ABCB5: variants seen among roughly 807,000 people sequenced by gnomAD.
ABCB5 encodes the protein ATP binding cassette subfamily B member 5, also known as ATP-binding cassette sub-family B member 5.
A neutral mutation model predicts 144.2 loss-of-function variants in ABCB5; 155 were observed. The ratio of observed to expected loss-of-function variants is 1.08; its 90% CI spans 0.94 to 1.23. The LOEUF (loss-of-function observed/expected upper bound fraction) is 1.23, where lower values mean the gene tolerates loss of function less well. Among genes scored for constraint, ABCB5 ranks in the 50% most tolerant of loss-of-function variants. The pLI, the probability that ABCB5 is intolerant of heterozygous loss-of-function variation, is 0.00. For synonymous variants in ABCB5, 610 were observed against 528.6 expected, an observed-to-expected ratio of 1.15 and a Z score of -2.11; for missense variants, 1,830 against 1,520.8, an observed-to-expected ratio of 1.20 and a Z score of -3.38.
intron 14 of ABCB5, among the ~76,000 whole-genome samples, chr7:20,680,287 C>T (rs551497682): frequency 3.9e-5 from 6 of 151,972 alleles, no homozygotes; most frequent in African/African-American, 1.4e-4. Context: ...AGGCCGAGCG[C>T]GGTGGTCACG....
chr7:20,639,404 T>C (rs1047191158), intron 5 of ABCB5, among the ~76,000 whole-genome samples: 2 of 152,162 alleles, frequency 1.3e-5, no homozygotes, highest in African/African-American at 4.8e-5. Context: ...CTTTTGGGTG[T>C]GGGAATTTTT....
At chr7:20,678,876 A>G (rs1218924280) in intron 14 of ABCB5, among the ~76,000 whole-genome samples, 1 of 152,186 alleles carries the variant, frequency 6.6e-6, no homozygotes, top group Admixed American at 6.5e-5. Context: ...TATAGTAGGG[A>G]AATGATGGTC....
Position 20,745,385 on chromosome 7 carries a change from A to C in ABCB5, c.3376A>C (p.Lys1126Gln). Residue 1126 changes from lysine to glutamine, a missense_variant, in exon 26 of 28, where the codon AAA becomes CAA. By Grantham distance (53) the Lys-to-Gln change is moderately conservative. Transcript: ENST00000404938. ...CCGTGTGGTGCCATTAGATGAGATCAAAGAAGCCGCAAATGCAGCAAATAT... is the reference window on the plus strand; with the variant it reads ...CCGTGTGGTGCCATTAGATGAGATCCAAGAAGCCGCAAATGCAGCAAATAT... The part of the protein sequence containing the change: ...NSRVVPLDEI[K>Q]EAANAANIHS... The C allele has an allele frequency of 6.2e-7, 1 of 1,614,236 alleles. No homozygotes were observed. The highest frequency in any genetic ancestry group is 1.1e-5 in the South Asian group (1 of 91,090).
At chr7:20,753,548 T>A (rs1782996874) in intron 27 of ABCB5, 42 bp downstream of exon 27, 1 of 1,576,414 alleles carries the variant, frequency 6.3e-7, no homozygotes, top group Non-Finnish European at 8.6e-7. Context: ...ATACCAAATA[T>A]AAGCATCCAA....
chr7:20,648,164 A>C, intron 11 of ABCB5, 86 bp downstream of exon 11: 1 of 849,710 alleles, frequency 1.2e-6, no homozygotes, highest in Non-Finnish European at 1.8e-6. Context: ...ATTACTTAGG[A>C]TCACTTTTTT....
intron 23 of ABCB5, among the ~76,000 whole-genome samples, chr7:20,736,411 T>C (rs59090642): frequency 0.012 from 1,870 of 152,164 alleles, 28 homozygotes; most frequent in African/African-American, 0.042. Context: ...AGAGATGGAG[T>C]TTCACCATGT....
intron 16 of ABCB5, among the ~76,000 whole-genome samples, chr7:20,691,919 GA>G (rs919935349): frequency 2.6e-5 from 4 of 151,318 alleles, no homozygotes; most frequent in East Asian, 1.9e-4. Context: ...CAAAAAAGGA[GA>G]AAAAAAATGT....
intron 16 of ABCB5, among the ~76,000 whole-genome samples, chr7:20,691,359 A>G (rs1390673737): frequency 6.6e-5 from 10 of 150,872 alleles, no homozygotes; most frequent in Admixed American, 4.0e-4. Context: ...AGAGCAAAGA[A>G]CCGGAGAGGA....
chr7:20,674,782 A>G (rs1785552794), intron 14 of ABCB5, among the ~76,000 whole-genome samples: 1 of 151,460 alleles, frequency 6.6e-6, no homozygotes, highest in South Asian at 2.1e-4. Flanking sequence ...ACACACACAC[A>G]CAAACTGTTA....
At chr7:20,615,964 A>G (rs1460004124) in intron 1 of ABCB5, 127 bp downstream of exon 1, 2 of 152,250 alleles carry the variant, frequency 1.3e-5, no homozygotes, top group African/African-American at 2.4e-5. Context: ...TGTGTATGAA[A>G]CTTTTTCATA....
intron 11 of ABCB5, 99 bp from the exon 12 acceptor site, chr7:20,649,923 G>T (rs545955873): frequency 5.2e-6 from 7 of 1,340,854 alleles, no homozygotes; most frequent in Admixed American, 2.6e-5. Flanking sequence ...GTTTTTAGAA[G>T]AATTTGTTTT....
chr7:20,619,415 G>C (rs956335055), intron 1 of ABCB5, among the ~76,000 whole-genome samples: 5 of 152,090 alleles, frequency 3.3e-5, no homozygotes, highest in African/African-American at 1.2e-4. Flanking sequence ...TTGTGGTTTT[G>C]ATTTACAATT....
At chr7:20,693,328 C>T (rs942414508) in intron 16 of ABCB5, among the ~76,000 whole-genome samples, 5 of 151,670 alleles carry the variant, frequency 3.3e-5, no homozygotes, top group African/African-American at 1.2e-4. Flanking sequence ...ATTGCATTAC[C>T]GTACCCCATG....
At chr7:20,680,401 G>A (rs1018487344) in intron 14 of ABCB5, among the ~76,000 whole-genome samples, 3 of 151,824 alleles carry the variant, frequency 2.0e-5, no homozygotes, top group Non-Finnish European at 4.4e-5. Flanking sequence ...TACTAAAAAT[G>A]AAAATAAAAT....
At chr7:20,700,352 G>C (rs556260380) in intron 19 of ABCB5, among the ~76,000 whole-genome samples, 8 of 152,150 alleles carry the variant, frequency 5.3e-5, no homozygotes, top group Admixed American at 3.9e-4. Flanking sequence ...TTATAGAAAA[G>C]AATGTAGGAT....
At position 20,681,346 on chromosome 7, in the gene ABCB5, C is replaced by G. The variant is rs568203980; in HGVS notation, c.1708-159C>G. 3.3e-5 allele frequency among the ~76,000 whole-genome samples: 5 copies of G among 152,158 alleles called. No individual in the cohort carries two copies. In the East Asian group the frequency reaches 9.6e-4, roughly 29 times the overall value. On this transcript the variant is annotated intron_variant, in intron 14 of 27. Transcript: ENST00000404938. ...TTTACCATGTTGGCCAGGCTGATCT[C>G]TAACTCGTGACCTCAGGTGATCCAC...
chr7:20,699,251 T>C (rs1786524712), intron 17 of ABCB5, among the ~76,000 whole-genome samples: 2 of 152,064 alleles, frequency 1.3e-5, no homozygotes, highest in South Asian at 4.2e-4. Context: ...ACTGTGATAA[T>C]AATAGCAGAT....
At chr7:20,635,587 T>C (rs1204217903) in intron 5 of ABCB5, among the ~76,000 whole-genome samples, 1 of 152,174 alleles carries the variant, frequency 6.6e-6, no homozygotes, top group Admixed American at 6.6e-5. Context: ...ATTCCTCTCA[T>C]TGATGTTTTG....
At chr7:20,728,077 G>A (rs1391949866) in intron 22 of ABCB5, among the ~76,000 whole-genome samples, 1 of 151,776 alleles carries the variant, frequency 6.6e-6, no homozygotes, top group African/African-American at 2.4e-5. Context: ...AGTTAAATTT[G>A]TTATACTGAA....
Sources: allele counts gnomAD v4.1 joint callset (sites outside exome capture counted in the v4.1 genomes callset), GRCh38; gene constraint gnomAD v4.1.1; transcripts MANE v1.5; gene names NCBI Gene and HGNC (gene_info 2026-07-23, HGNC 2026-07-21).